DTNA: variants seen among roughly 807,000 people sequenced by gnomAD.
DTNA encodes dystrobrevin alpha.
DTNA carries 43 observed loss-of-function variants against 100.7 expected under a neutral mutation model. That is an observed-to-expected ratio of 0.43 (90% CI 0.33 to 0.55). The LOEUF is 0.55. Ranked by LOEUF, DTNA falls within the 20% of genes least tolerant of loss-of-function variation. The pLI, the probability that DTNA is intolerant of heterozygous loss-of-function variation, is 0.04. For missense variants in DTNA, 798 were observed against 953.9 expected (o/e 0.84, Z 2.15); for synonymous variants, 349 against 347.9 (o/e 1.00, Z -0.04).
chr18:34,754,068 T>C (rs1316322128), intron 1 of DTNA, among the ~76,000 whole-genome samples: 1 of 152,164 alleles, frequency 6.6e-6, no homozygotes, highest in Non-Finnish European at 1.5e-5. Context: ...GTATATTATC[T>C]AACCCATTGT....
intron 3 of DTNA, among the ~76,000 whole-genome samples, chr18:34,784,540 C>A (rs1359123113): frequency 6.6e-6 from 1 of 152,204 alleles, no homozygotes; most frequent in Non-Finnish European, 1.5e-5. Flanking sequence ...TCTTCCAAAT[C>A]TTTACATAGT....
intron 1 of DTNA, among the ~76,000 whole-genome samples, chr18:34,752,560 C>T (rs9966209): frequency 0.036 from 5,465 of 152,178 alleles, 334 homozygotes; most frequent in African/African-American, 0.13. Context: ...ATTATGACTA[C>T]GATCAATGAG....
intron 2 of DTNA, among the ~76,000 whole-genome samples, chr18:34,762,118 C>T (rs1294068576): frequency 6.6e-6 from 1 of 152,064 alleles, no homozygotes; most frequent in Non-Finnish European, 1.5e-5. Context: ...GCAAAGATTG[C>T]CCTGCTGATT....
At chr18:34,587,068 TCCTTCCATCTCAGCCC>T (rs1285060295) in intron 1 of DTNA, among the ~76,000 whole-genome samples, 2 of 151,676 alleles carry the variant, frequency 1.3e-5, no homozygotes, top group African/African-American at 4.8e-5. Context: ...GCTCAAGCAA[TCCTTCCATCTCAGCCC>T]CCCTACTTGG....
chr18:34,553,030 C>A (rs1278352023), intron 1 of DTNA, among the ~76,000 whole-genome samples: 1 of 151,248 alleles, frequency 6.6e-6, no homozygotes, highest in African/African-American at 2.4e-5. Context: ...CACATCCTCC[C>A]CAGCACCTGT....
At chr18:34,762,241 T>C (rs1157831116) in intron 2 of DTNA, among the ~76,000 whole-genome samples, 1 of 152,218 alleles carries the variant, frequency 6.6e-6, no homozygotes, top group Non-Finnish European at 1.5e-5. Context: ...TACCATCTGA[T>C]AAAAATTAAC....
At chr18:34,755,178 C>G (rs1053392040) in intron 1 of DTNA, among the ~76,000 whole-genome samples, 3 of 152,212 alleles carry the variant, frequency 2.0e-5, no homozygotes, top group Non-Finnish European at 4.4e-5. Flanking sequence ...CTCTAAAACT[C>G]TTGATATTTA....
At chr18:34,802,674 G>A (rs1351101685) in intron 4 of DTNA, among the ~76,000 whole-genome samples, 3 of 152,120 alleles carry the variant, frequency 2.0e-5, no homozygotes, top group Non-Finnish European at 2.9e-5. Context: ...AACAGAAGAC[G>A]CTTTTCACTT....
intron 1 of DTNA, among the ~76,000 whole-genome samples, chr18:34,518,103 T>C (rs2041824603): frequency 6.6e-6 from 1 of 152,236 alleles, no homozygotes; most frequent in Non-Finnish European, 1.5e-5. Flanking sequence ...ATGTTAACAC[T>C]ATGTTTTATG....
At chr18:34,522,812 A>G (rs2042271661) in intron 1 of DTNA, among the ~76,000 whole-genome samples, 1 of 152,228 alleles carries the variant, frequency 6.6e-6, no homozygotes, top group Non-Finnish European at 1.5e-5. Flanking sequence ...AAGATGGACC[A>G]GCTTGCCAAT....
At chr18:34,658,689 A>C (rs2074739974) in intron 1 of DTNA, among the ~76,000 whole-genome samples, 1 of 152,168 alleles carries the variant, frequency 6.6e-6, no homozygotes, top group African/African-American at 2.4e-5. Context: ...GTTTAAGCCC[A>C]ATATGTTATA....
Position 34,838,885 on chromosome 18 carries a change from C to T in DTNA, c.1346+48C>T, listed in dbSNP as rs192573812. 1.8e-4 allele frequency: 275 copies of T among 1,550,046 alleles called. No homozygotes were observed. The African/African-American group carries it at 3.2e-3, about 18-fold the overall frequency. ...GACTGTCCTTAGAGAGGGATACAGTCTGAGCTGGTGACAAGCAGTCTCAGC... is the reference window on the plus strand; with the variant it reads ...GACTGTCCTTAGAGAGGGATACAGTTTGAGCTGGTGACAAGCAGTCTCAGC... On this transcript the variant is annotated intron_variant, in intron 13 of 22. Transcript: ENST00000444659.
intron 1 of DTNA, among the ~76,000 whole-genome samples, chr18:34,753,361 A>ATTTT (rs751756097): frequency 1.0e-5 from 1 of 96,890 alleles, no homozygotes; most frequent in African/African-American, 5.3e-5. Context: ...TTATTTATTT[A>ATTTT]TTTTATTTTT....
chr18:34,656,099 C>G (rs2074332388), intron 1 of DTNA, among the ~76,000 whole-genome samples: 1 of 152,128 alleles, frequency 6.6e-6, no homozygotes, highest in Non-Finnish European at 1.5e-5. Context: ...GATAGTAATT[C>G]TGTGGTTTGC....
intron 1 of DTNA, among the ~76,000 whole-genome samples, chr18:34,630,566 G>A (rs1307778838): frequency 6.6e-6 from 1 of 152,142 alleles, no homozygotes; most frequent in Non-Finnish European, 1.5e-5. Context: ...TATTTGGAGC[G>A]AAGAGGTTCC....
At chr18:34,707,726 G>A (rs2082294910), upstream of DTNA, among the ~76,000 whole-genome samples, 1 of 152,152 alleles carries the variant, frequency 6.6e-6, no homozygotes, top group African/African-American at 2.4e-5. Context: ...AGCCACACAT[G>A]AGAATAGGTA....
chr18:34,618,950 A>G (rs1159339527), intron 1 of DTNA, among the ~76,000 whole-genome samples: 1 of 152,204 alleles, frequency 6.6e-6, no homozygotes, highest in Non-Finnish European at 1.5e-5. Context: ...CAGATACAAT[A>G]GAAGCCCCAA....
At chr18:34,505,625 C>T (rs2040414286) in intron 1 of DTNA, among the ~76,000 whole-genome samples, 1 of 152,100 alleles carries the variant, frequency 6.6e-6, no homozygotes. Flanking sequence ...CTCTTGAGCC[C>T]ACCCACTGAT....
intron 1 of DTNA, among the ~76,000 whole-genome samples, chr18:34,554,566 TGA>T (rs1335587339): frequency 6.6e-6 from 1 of 151,176 alleles, no homozygotes; most frequent in African/African-American, 2.5e-5. Context: ...CCTAATTTAT[TGA>T]GAGTTTTTAG....
Sources: gnomAD v4.1 joint callset for allele counts (sites outside exome capture counted in the v4.1 genomes callset) on GRCh38, gnomAD v4.1.1 for gene constraint, MANE v1.5 for transcripts, NCBI Gene and HGNC (gene_info 2026-07-23, HGNC 2026-07-21) for gene names.